Variants in FRMD4A observed in about 807,000 individuals in gnomAD.
FRMD4A encodes the protein FERM domain containing 4A.
A neutral mutation model predicts 129.1 loss-of-function variants in FRMD4A; 29 were observed. The ratio of observed to expected loss-of-function variants is 0.22; its 90% CI spans 0.17 to 0.31. The LOEUF (loss-of-function observed/expected upper bound fraction) is 0.31. Ranked by LOEUF, FRMD4A falls within the 10% of genes least tolerant of loss-of-function variation. FRMD4A has a pLI of 1.00. For missense variants in FRMD4A, 1,272 were observed against 1,375.8 expected (o/e 0.92, Z 1.19); for synonymous variants, 634 against 571.6 (o/e 1.11, Z -1.56).
rs185382233 is a variant in FRMD4A, at chr10:14,079,260, G to T, written c.46-220348C>A. ...AACTGGGATTTGAACCCCTGCCAGG[G>T]ATCTGCTCTTAGCCTCTTTACCATG... is the stretch of plus-strand genomic sequence containing the variant. On this transcript the variant is annotated intron_variant, in intron 2 of 24. Coordinates refer to ENST00000357447, the MANE Select transcript of FRMD4A (RefSeq NM_018027.5). Among the ~76,000 whole-genome samples the T allele has an allele frequency of 3.9e-5, 6 of 152,250 alleles. 1 individual carries two copies. The East Asian group carries it at 1.2e-3, about 29-fold the overall frequency.
chr10:13,858,771 C>T (rs1317188154), intron 3 of FRMD4A, 76 bp downstream of exon 3: 3 of 845,528 alleles, frequency 3.5e-6, no homozygotes, highest in Non-Finnish European at 6.3e-6. Flanking sequence ...AATCCCCCTT[C>T]ATCCCCAGCT....
intron 2 of FRMD4A, among the ~76,000 whole-genome samples, chr10:13,884,168 T>TCACACACACACACACACA (rs745788719): frequency 1.5e-5 from 1 of 67,454 alleles, no homozygotes; most frequent in Non-Finnish European, 3.0e-5. Context: ...ACACACACAC[T>TCACACACACACACACACA]CACACACTCA....
chr10:13,856,215 C>G (rs1368470708), intron 3 of FRMD4A, among the ~76,000 whole-genome samples: 8 of 128,962 alleles, frequency 6.2e-5, no homozygotes, highest in Non-Finnish European at 1.3e-4. Context: ...GGATTTTGTG[C>G]AAGTGTGTGT....
intron 2 of FRMD4A, among the ~76,000 whole-genome samples, chr10:14,171,264 C>T (rs1841462552): frequency 1.3e-5 from 2 of 152,114 alleles, no homozygotes; most frequent in African/African-American, 4.8e-5. Context: ...ACATCATTTG[C>T]TATGGTTGAA....
chr10:14,064,249 G>A (rs967708491), intron 2 of FRMD4A, among the ~76,000 whole-genome samples: 5 of 152,182 alleles, frequency 3.3e-5, no homozygotes, highest in Admixed American at 1.3e-4. Context: ...TTTTTATATT[G>A]ATGTTTTCCG....
chr10:14,069,953 T>C (rs940017776), intron 2 of FRMD4A, among the ~76,000 whole-genome samples: 1 of 152,200 alleles, frequency 6.6e-6, no homozygotes, highest in Non-Finnish European at 1.5e-5. Context: ...AAGCTGCCTC[T>C]GGGGCCAATC....
intron 2 of FRMD4A, among the ~76,000 whole-genome samples, chr10:13,918,376 G>A (rs1482653659): frequency 6.6e-5 from 10 of 152,276 alleles, no homozygotes; most frequent in Admixed American, 4.6e-4. Flanking sequence ...AAAATGTCAC[G>A]TAGAATTTTA....
At chr10:13,807,877 C>G (rs2093382290) in intron 4 of FRMD4A, among the ~76,000 whole-genome samples, 1 of 149,716 alleles carries the variant, frequency 6.7e-6, no homozygotes, top group Admixed American at 6.8e-5. Flanking sequence ...CGGCTCACTG[C>G]AAACTCTGCC....
intron 2 of FRMD4A, among the ~76,000 whole-genome samples, chr10:13,964,142 A>C (rs1423222811): frequency 1.3e-5 from 2 of 151,822 alleles, no homozygotes; most frequent in East Asian, 1.9e-4. Context: ...GAAAAAAAAA[A>C]AAAACAGAAA....
chr10:13,921,461 A>G (rs2446591), intron 2 of FRMD4A, among the ~76,000 whole-genome samples: 139,020 of 151,952 alleles, frequency 0.91, 63,686 homozygotes, highest in South Asian at 0.94. Flanking sequence ...AGGTCTCAGT[A>G]TGTTGCCCAG....
chr10:14,110,367 C>T (rs1449312773), intron 2 of FRMD4A, among the ~76,000 whole-genome samples: 3 of 152,182 alleles, frequency 2.0e-5, no homozygotes, highest in African/African-American at 4.8e-5. Flanking sequence ...AAAAAAAATT[C>T]CTTCTTGCCC....
intron 2 of FRMD4A, among the ~76,000 whole-genome samples, chr10:14,152,185 T>C (rs1201801785): frequency 7.6e-6 from 1 of 131,412 alleles, no homozygotes; most frequent in Non-Finnish European, 1.5e-5. Context: ...TGGAGTGCAG[T>C]GGCATGATCT....
chr10:14,148,095 T>C (rs1047627162), intron 2 of FRMD4A, among the ~76,000 whole-genome samples: 1 of 152,184 alleles, frequency 6.6e-6, no homozygotes, highest in African/African-American at 2.4e-5. Flanking sequence ...CCTCCATTAA[T>C]GTGTATTGTG....
chr10:13,828,520 C>CTTCT (rs60375431), intron 3 of FRMD4A, among the ~76,000 whole-genome samples: 29,044 of 139,714 alleles, frequency 0.21, 4,234 homozygotes, highest in African/African-American at 0.35. Flanking sequence ...ACCATGTTTT[C>CTTCT]TTCTTTCTTT....
At chr10:13,868,439 A>G (rs1295755865) in intron 2 of FRMD4A, among the ~76,000 whole-genome samples, 1 of 152,070 alleles carries the variant, frequency 6.6e-6, no homozygotes, top group African/African-American at 2.4e-5. Flanking sequence ...CCTTGTTCCT[A>G]TTTTGCTCTA....
At chr10:14,193,697 A>AC (rs901221172) in intron 2 of FRMD4A, among the ~76,000 whole-genome samples, 2 of 151,294 alleles carry the variant, frequency 1.3e-5, no homozygotes, top group African/African-American at 2.4e-5. Flanking sequence ...TAAAAAAAAA[A>AC]AAACTACAAA....
At position 13,774,196 on chromosome 10, in the gene FRMD4A, T is replaced by G. The variant is rs193147062; in HGVS notation, c.384+8726A>C. ...CCGCTGTCTCATATCCATATTTTAA[T>G]TTTCTGCAACTTGGATAGATTATGA... On this transcript the variant is annotated intron_variant, in intron 6 of 24. Transcript: ENST00000357447. Among the ~76,000 whole-genome samples the G allele has an allele frequency of 2.2e-3, 336 of 152,282 alleles. 2 individuals are homozygous for G. Among genetic ancestry groups the G allele is most frequent in the African/African-American group, 7.1e-3 (296 of 41,554 alleles).
At chr10:14,203,200 T>A (rs1446058634) in intron 2 of FRMD4A, among the ~76,000 whole-genome samples, 1 of 152,218 alleles carries the variant, frequency 6.6e-6, no homozygotes, top group Non-Finnish European at 1.5e-5. Context: ...TTCACTTTTT[T>A]AATTTAGATT....
chr10:13,785,633 T>G (rs1454947975), intron 5 of FRMD4A, among the ~76,000 whole-genome samples: 4 of 152,226 alleles, frequency 2.6e-5, no homozygotes, highest in African/African-American at 7.2e-5. Context: ...TTATTATTTT[T>G]TATTACACTT....
Sources: gnomAD v4.1 joint callset for allele counts (sites outside exome capture counted in the v4.1 genomes callset) on GRCh38, gnomAD v4.1.1 for gene constraint, MANE v1.5 for transcripts, NCBI Gene and HGNC (gene_info 2026-07-23, HGNC 2026-07-21) for gene names.